Variants in SYNE1 observed in about 807,000 individuals in gnomAD.
The protein encoded by SYNE1 is nesprin-1.
SYNE1 carries 616 observed loss-of-function variants against 1,111.0 expected under a neutral mutation model. The observed-to-expected ratio is 0.55, with a 90% confidence interval of 0.52 to 0.59. The LOEUF is 0.59. SYNE1 is among the 20% of genes least tolerant of loss of function. The probability of loss-of-function intolerance (pLI) is 0.00; values close to 1 mark genes in which losing one functional copy is unlikely to be tolerated. For missense variants in SYNE1, 10,006 were observed against 10,417.0 expected (o/e 0.96, Z 1.72); for synonymous variants, 3,855 against 3,825.8 (o/e 1.01, Z -0.28).
Position 152,599,331 on chromosome 6 carries a change from T to A in SYNE1, c.67+28934A>T, listed in dbSNP as rs78760912. ...GTGCAGTACTATTTGGATCTACTTA[T>A]CTGATGGCATTAGGTTATCACACAC... On this transcript the variant is annotated intron_variant, in intron 3 of 145. Coordinates refer to ENST00000367255, the MANE Select transcript of SYNE1 (RefSeq NM_182961.4). 2.6e-5 allele frequency among the ~76,000 whole-genome samples: 4 copies of A among 152,312 alleles called. No homozygotes were observed. The East Asian group carries it at 7.7e-4, about 29-fold the overall frequency.
intron 74 of SYNE1, among the ~76,000 whole-genome samples, chr6:152,341,040 T>C (rs993726625): frequency 3.9e-5 from 6 of 152,200 alleles, no homozygotes; most frequent in African/African-American, 1.4e-4. Context: ...TGGTGCCTGA[T>C]TTTGTGACTC....
intron 11 of SYNE1, among the ~76,000 whole-genome samples, chr6:152,494,945 A>G (rs1250396574): frequency 6.6e-6 from 1 of 151,986 alleles, no homozygotes; most frequent in African/African-American, 2.4e-5. Context: ...TCACTCTCCC[A>G]CTGAAGTTTC....
At chr6:152,229,719 G>A (rs187568448) in intron 115 of SYNE1, among the ~76,000 whole-genome samples, 8 of 152,098 alleles carry the variant, frequency 5.3e-5, no homozygotes, top group East Asian at 1.9e-4. Flanking sequence ...CAGCTTCTGC[G>A]ACAGGTTATG....
intron 3 of SYNE1, among the ~76,000 whole-genome samples, chr6:152,553,564 G>A (rs1365796345): frequency 6.6e-6 from 1 of 152,040 alleles, no homozygotes; most frequent in East Asian, 1.9e-4. Context: ...CCTATCCACG[G>A]ACATCTTGAC....
chr6:152,212,661 G>A (rs749440336), intron 123 of SYNE1, among the ~76,000 whole-genome samples: 4 of 152,026 alleles, frequency 2.6e-5, no homozygotes, highest in African/African-American at 4.8e-5. Context: ...TGGAATTTCT[G>A]GGTTATATGA....
chr6:152,332,211 T>A (rs2096265404), intron 77 of SYNE1, among the ~76,000 whole-genome samples: 1 of 152,146 alleles, frequency 6.6e-6, no homozygotes, highest in African/African-American at 2.4e-5. Flanking sequence ...TGACCTCAGG[T>A]GATCCACCTG....
chr6:152,481,870 G>A (rs1019834813), intron 14 of SYNE1, among the ~76,000 whole-genome samples: 26 of 151,240 alleles, frequency 1.7e-4, no homozygotes, highest in African/African-American at 6.3e-4. Flanking sequence ...AGCAGGCCCC[G>A]CTTTTATTTG....
intron 84 of SYNE1, among the ~76,000 whole-genome samples, chr6:152,320,921 T>C (rs1050890681): frequency 3.3e-5 from 5 of 152,088 alleles, no homozygotes; most frequent in African/African-American, 1.2e-4. Flanking sequence ...GCTGGAAGAG[T>C]CCCTGGCACA....
intron 128 of SYNE1, among the ~76,000 whole-genome samples, chr6:152,187,620 C>T (rs2070573305): frequency 6.6e-6 from 1 of 152,200 alleles, no homozygotes; most frequent in Non-Finnish European, 1.5e-5. Flanking sequence ...CTCCACTCCC[C>T]TTTTCGAAAC....
Position 152,211,514 on chromosome 6 carries a change from T to C in SYNE1, c.22569A>G (p.Glu7523=), listed in dbSNP as rs764642183. 3.1e-6 allele frequency: 5 copies of C among 1,613,800 alleles called. No individual in the cohort carries two copies. The highest frequency in any genetic ancestry group is 2.2e-5 in the East Asian group (1 of 44,846). The part of the protein sequence containing the change: ...SIIIDGQRLL[E]QGQVDDRDEF... Reference sequence around the variant, plus strand: ...CCTACCTGTCATCAACTTGACCTTGTTCTAGAAGACGTTGCCCATCAATAA... The same window carrying C: ...CCTACCTGTCATCAACTTGACCTTGCTCTAGAAGACGTTGCCCATCAATAA... The change falls in exon 124 of 146, where the codon GAA becomes GAG. Residue 7523 remains glutamate (E), a synonymous_variant. Coordinates refer to ENST00000367255, the MANE Select transcript of SYNE1 (RefSeq NM_182961.4).
At chr6:152,434,219 G>A (rs1346386782) in intron 33 of SYNE1, 15 of 419,020 alleles carry the variant, frequency 3.6e-5, no homozygotes, top group Non-Finnish European at 6.0e-5. Context: ...AAAGGGGTTT[G>A]AATCCAGGTA....
chr6:152,514,657 C>T (rs950627606), intron 6 of SYNE1, among the ~76,000 whole-genome samples: 2 of 146,844 alleles, frequency 1.4e-5, no homozygotes, highest in Admixed American at 6.7e-5. Context: ...ACAATGAATA[C>T]CAAAAAAAAA....
At position 152,441,178 on chromosome 6, in the gene SYNE1, C is replaced by T. The variant is rs373255760; in HGVS notation, c.4101G>A (p.Leu1367=). The T allele has an allele frequency of 2.9e-5, 46 of 1,613,452 alleles. No individual in the cohort carries two copies. Among genetic ancestry groups the T allele is most frequent in the African/African-American group, 4.0e-5 (3 of 74,872 alleles). The change falls in exon 32 of 146, where the codon TTG becomes TTA. Residue 1367 remains leucine (L), a synonymous_variant. Coordinates refer to ENST00000367255, the MANE Select transcript of SYNE1 (RefSeq NM_182961.4). ...FQTGSSHERF[L]SFSSLESLSS... is the part of the protein sequence containing the mutation. The stretch of plus-strand genomic sequence containing the variant: ...ATAAACTTTCCAAACTGCTAAAACT[C>T]AAGAAGCGTTCATGACTGGAACCTG...
At chr6:152,531,149 A>G (rs7745725) in intron 4 of SYNE1, among the ~76,000 whole-genome samples, 52,090 of 151,994 alleles carry the variant, frequency 0.34, 9,823 homozygotes, top group African/African-American at 0.5. Flanking sequence ...TGGATATGCC[A>G]ACAAGATGCT....
chr6:152,194,879 A>T (rs1413550029), intron 127 of SYNE1, among the ~76,000 whole-genome samples: 2 of 151,918 alleles, frequency 1.3e-5, no homozygotes, highest in African/African-American at 4.8e-5. Flanking sequence ...AATTTATCTG[A>T]TATGATTCTG....
intron 35 of SYNE1, 128 bp downstream of exon 35, chr6:152,430,354 T>G: frequency 8.7e-7 from 1 of 1,143,456 alleles, no homozygotes; most frequent in Admixed American, 1.9e-5. Flanking sequence ...ACATCTAAAA[T>G]CAACATGTCC....
intron 106 of SYNE1, among the ~76,000 whole-genome samples, chr6:152,244,110 G>GA (rs2086481023): frequency 6.6e-6 from 1 of 151,916 alleles, no homozygotes; most frequent in Non-Finnish European, 1.5e-5. Flanking sequence ...GCTTGCCTTA[G>GA]AAAAAAACAC....
Position 152,233,963 on chromosome 6 carries a change from C to T in SYNE1, c.20530G>A (p.Glu6844Lys). 9 of 1,614,008 alleles carry T rather than the reference C, an allele frequency of 5.6e-6. No individual in the cohort carries two copies. Among genetic ancestry groups the T allele is most frequent in the Non-Finnish European group, 7.6e-6 (9 of 1,180,008 alleles). ...MVRDHLNAFL[E>K]FSKEVDAQSS... The stretch of plus-strand genomic sequence containing the variant: ...TGGGCATCCACTTCTTTAGAAAACT[C>T]CTGAAACAAGTAGCGATGTTCAAAT... Residue 6844 changes from glutamate to lysine, a missense_variant and splice_region_variant, in exon 112 of 146, where the codon GAG becomes AAG. By Grantham distance (56) the Glu-to-Lys change is moderately conservative. Transcript: ENST00000367255.
At chr6:152,159,287 G>T (rs1358964071) in intron 131 of SYNE1, among the ~76,000 whole-genome samples, 2 of 152,188 alleles carry the variant, frequency 1.3e-5, no homozygotes, top group Non-Finnish European at 2.9e-5. Flanking sequence ...ACTGTGTGGT[G>T]TGGACTCTGA....
Sources: allele counts gnomAD v4.1 joint callset (sites outside exome capture counted in the v4.1 genomes callset), GRCh38; gene constraint gnomAD v4.1.1; transcripts MANE v1.5; gene names NCBI Gene and HGNC (gene_info 2026-07-23, HGNC 2026-07-21).